R3HDM2: variants seen among roughly 807,000 people sequenced by gnomAD.
R3HDM2 encodes R3H domain-containing protein 2.
A neutral mutation model predicts 124.5 loss-of-function variants in R3HDM2; 38 were observed. The observed-to-expected ratio is 0.31, with a 90% CI of 0.24 to 0.40. R3HDM2 has a LOEUF of 0.40. Among genes scored for constraint, R3HDM2 ranks in the 10% least tolerant of loss-of-function variants. The pLI, the probability that R3HDM2 is intolerant of heterozygous loss-of-function variation, is 1.00. For missense variants in R3HDM2, 869 were observed against 1,236.9 expected, an observed-to-expected ratio of 0.70 and a Z score of 4.46; for synonymous variants, 391 against 448.0, an observed-to-expected ratio of 0.87 and a Z score of 1.61.
At chr12:57,334,488 T>C (rs1322685693) in intron 2 of R3HDM2, among the ~76,000 whole-genome samples, 1 of 152,090 alleles carries the variant, frequency 6.6e-6, no homozygotes, top group Admixed American at 6.6e-5. Context: ...CTTTTTTTTT[T>C]TGAAATAAAG....
At chr12:57,281,105 A>G (rs2046007393) in intron 13 of R3HDM2, among the ~76,000 whole-genome samples, 1 of 151,994 alleles carries the variant, frequency 6.6e-6, no homozygotes, top group Non-Finnish European at 1.5e-5. Flanking sequence ...CAACCAACAT[A>G]GTGAAACTCC....
At chr12:57,419,964 G>T (rs561885760) in intron 1 of R3HDM2, among the ~76,000 whole-genome samples, 8 of 151,892 alleles carry the variant, frequency 5.3e-5, no homozygotes, top group African/African-American at 1.9e-4. Context: ...TCAGCTCCCT[G>T]ACCCAAAAAA....
rs1592514709 is a variant in R3HDM2 at position 57,270,131 on chromosome 12, G to A, written c.1345-137C>T. On this transcript the variant is annotated intron_variant, in intron 14 of 23. Coordinates refer to ENST00000402412, the MANE Select transcript of R3HDM2 (RefSeq NM_001394031.1). ...TGGGGGATAGTCCTACCTCTGTGCT[G>A]TGCTATGAATTGAATAGCTGTTGAA... is the stretch of plus-strand genomic sequence containing the variant. 3 of 1,069,546 alleles carry A rather than the reference G, an allele frequency of 2.8e-6. No homozygotes were observed. In the East Asian group the frequency reaches 7.2e-5, roughly 26 times the overall value. The allele number at this position is 1,069,546 out of a possible 1,614,324, so 66.3% of individuals were successfully genotyped here.
intron 2 of R3HDM2, among the ~76,000 whole-genome samples, chr12:57,330,194 G>A (rs1566186248): frequency 6.6e-6 from 1 of 152,048 alleles, no homozygotes; most frequent in Non-Finnish European, 1.5e-5. Flanking sequence ...TTGAACTCCT[G>A]ACCTCAGGTG....
chr12:57,418,090 C>CA (rs2069825458), intron 1 of R3HDM2: 1 of 905,162 alleles, frequency 1.1e-6, no homozygotes, highest in Non-Finnish European at 1.3e-6. Flanking sequence ...TAGACATTTC[C>CA]AAAAGTGAAC....
At chr12:57,383,226 G>A (rs971518555) in intron 2 of R3HDM2, among the ~76,000 whole-genome samples, 1 of 151,990 alleles carries the variant, frequency 6.6e-6, no homozygotes, top group Non-Finnish European at 1.5e-5. Flanking sequence ...AGGCTGAGGT[G>A]AGAGGATCGC....
At chr12:57,356,968 T>C (rs1182093613) in intron 2 of R3HDM2, among the ~76,000 whole-genome samples, 2 of 151,474 alleles carry the variant, frequency 1.3e-5, no homozygotes, top group African/African-American at 2.4e-5. Context: ...TAGACAGGCG[T>C]GGTGGCGGGC....
chr12:57,351,667 T>C (rs928917364), intron 2 of R3HDM2, among the ~76,000 whole-genome samples: 2 of 152,354 alleles, frequency 1.3e-5, no homozygotes, highest in African/African-American at 4.8e-5. Context: ...CTCTACCTGT[T>C]TGAATGTCAT....
At chr12:57,366,751 G>A (rs570345954) in intron 2 of R3HDM2, among the ~76,000 whole-genome samples, 65 of 152,050 alleles carry the variant, frequency 4.3e-4, no homozygotes, top group African/African-American at 1.1e-3. Context: ...GTGCAGTGGC[G>A]CGATCTTGGC....
At chr12:57,309,652 TTATTA>T (rs1300318203) in intron 3 of R3HDM2, among the ~76,000 whole-genome samples, 1 of 152,230 alleles carries the variant, frequency 6.6e-6, no homozygotes, top group Non-Finnish European at 1.5e-5. Context: ...TTTTAAGAGT[TTATTA>T]TATGAGTCAT....
At chr12:57,357,582 T>C (rs1306749706) in intron 2 of R3HDM2, among the ~76,000 whole-genome samples, 1 of 152,080 alleles carries the variant, frequency 6.6e-6, no homozygotes, top group African/African-American at 2.4e-5. Context: ...TTTCCTTTCT[T>C]AGTAAGTCTG....
intron 2 of R3HDM2, among the ~76,000 whole-genome samples, chr12:57,351,475 G>A (rs1017883408): frequency 3.9e-5 from 6 of 152,204 alleles, no homozygotes; most frequent in African/African-American, 9.7e-5. Flanking sequence ...TACTGAGGGA[G>A]TATGTGCCAT....
intron 2 of R3HDM2, among the ~76,000 whole-genome samples, chr12:57,337,124 T>C (rs1478325714): frequency 6.6e-6 from 1 of 151,936 alleles, no homozygotes; most frequent in African/African-American, 2.4e-5. Flanking sequence ...TTCCCAAGAA[T>C]TCTCTTTCTC....
chr12:57,269,136 C>T, intron 16 of R3HDM2, 54 bp from the exon 17 acceptor site: 1 of 1,595,714 alleles, frequency 6.3e-7, no homozygotes, highest in Non-Finnish European at 8.6e-7. Flanking sequence ...GGAGGTCACA[C>T]TCTATCTGTA....
At chr12:57,387,054 G>C (rs1479272022) in intron 2 of R3HDM2, among the ~76,000 whole-genome samples, 1 of 152,026 alleles carries the variant, frequency 6.6e-6, no homozygotes, top group Admixed American at 6.6e-5. Context: ...GGGACGTGGA[G>C]AACTTTTGTG....
At chr12:57,291,650 T>C (rs543074639) in intron 11 of R3HDM2, among the ~76,000 whole-genome samples, 1 of 143,070 alleles carries the variant, frequency 7.0e-6, no homozygotes, top group African/African-American at 2.6e-5. Flanking sequence ...CGAAACCCTA[T>C]CTAAAAAAAA....
At chr12:57,333,432 G>A (rs1340891881) in intron 2 of R3HDM2, among the ~76,000 whole-genome samples, 1 of 152,202 alleles carries the variant, frequency 6.6e-6, no homozygotes, top group South Asian at 2.1e-4. Flanking sequence ...GCTCATGCCT[G>A]TAATCCCAAC....
chr12:57,360,006 A>AATAAATAAATATATATAT (rs1403496780), intron 2 of R3HDM2, among the ~76,000 whole-genome samples: 18 of 117,668 alleles, frequency 1.5e-4, no homozygotes, highest in African/African-American at 5.5e-4. Context: ...TAAATAAATA[A>AATAAATAAATATATATAT]ATATATATAT....
chr12:57,390,188 AGAAAG>A (rs999810087), intron 2 of R3HDM2, among the ~76,000 whole-genome samples: 1 of 151,668 alleles, frequency 6.6e-6, no homozygotes, highest in Non-Finnish European at 1.5e-5. Context: ...AAAAAAAGAA[AGAAAG>A]AAAAAAAGAA....
Sources: gnomAD v4.1 joint callset for allele counts (sites outside exome capture counted in the v4.1 genomes callset) on GRCh38, gnomAD v4.1.1 for gene constraint, MANE v1.5 for transcripts, NCBI Gene and HGNC (gene_info 2026-07-23, HGNC 2026-07-21) for gene names.